PPIL6: variants seen among roughly 807,000 people sequenced by gnomAD.
PPIL6 encodes the protein peptidylprolyl isomerase like 6, also known as probable inactive peptidyl-prolyl cis-trans isomerase-like 6.
In PPIL6, 39 loss-of-function variants were observed where a neutral mutation model predicts 36.8. The observed-to-expected ratio is 1.06, with a 90% CI of 0.82 to 1.38. The LOEUF (loss-of-function observed/expected upper bound fraction) is 1.38. PPIL6 is among the 40% of genes most tolerant of loss of function. The pLI is 0.00. For missense variants in PPIL6, 368 were observed against 379.1 expected, an observed-to-expected ratio of 0.97 and a Z score of 0.24; for synonymous variants, 123 against 134.1, an observed-to-expected ratio of 0.92 and a Z score of 0.57.
At chr6:109,422,907 T>C (rs1407525568) in intron 5 of PPIL6, among the ~76,000 whole-genome samples, 1 of 152,202 alleles carries the variant, frequency 6.6e-6, no homozygotes, top group East Asian at 1.9e-4. Flanking sequence ...GGCTCATTCT[T>C]CTGTTTTTAT....
At chr6:109,418,833 T>C (rs2115243430) in intron 6 of PPIL6, among the ~76,000 whole-genome samples, 1 of 152,254 alleles carries the variant, frequency 6.6e-6, no homozygotes, top group Middle Eastern at 3.4e-3. Context: ...TGAGCCACCA[T>C]ACCTGGCCAC....
chr6:109,433,115 G>A (rs2115283639), intron 2 of PPIL6, among the ~76,000 whole-genome samples: 1 of 150,716 alleles, frequency 6.6e-6, no homozygotes, highest in East Asian at 2.0e-4. Flanking sequence ...GGAGTGCAAT[G>A]GTGTGATCTC....
intron 6 of PPIL6, among the ~76,000 whole-genome samples, chr6:109,403,749 T>C (rs1055409243): frequency 6.6e-6 from 1 of 152,224 alleles, no homozygotes; most frequent in East Asian, 1.9e-4. Context: ...TCTAATTAAA[T>C]GATACATTAC....
At position 109,420,943 on chromosome 6, in the gene PPIL6, T is replaced by C. The variant is rs1019447639; in HGVS notation, c.632-1700A>G. Among the ~76,000 whole-genome samples, 5 of 152,222 alleles carry C rather than the reference T, an allele frequency of 3.3e-5. No homozygotes were observed. In the East Asian group the frequency reaches 9.6e-4, roughly 29 times the overall value. On this transcript the variant is annotated intron_variant, in intron 5 of 7. Coordinates refer to ENST00000521072, the MANE Select transcript of PPIL6 (RefSeq NM_173672.5). ...ACCTGACTCACCTAAAACTCAGCCATGGTTCACTACCCAGCCCCAGGCAGC... is the reference window on the plus strand; with the variant it reads ...ACCTGACTCACCTAAAACTCAGCCACGGTTCACTACCCAGCCCCAGGCAGC...
In PPIL6 at chr6:109,438,339, G is replaced by C. The variant is rs533189764; in HGVS notation, c.135+2117C>G. On this transcript the variant is annotated intron_variant, in intron 1 of 7. Transcript: ENST00000521072. The stretch of plus-strand genomic sequence containing the variant: ...CCCATGCCTATAATCCCAGCACTTC[G>C]GGAGGTCGAGGAGGATTGCTTGAGC... 3.3e-5 allele frequency among the ~76,000 whole-genome samples: 5 copies of C among 151,878 alleles called. No homozygotes were observed. In the South Asian group the frequency reaches 1.0e-3, roughly 32 times the overall value.
intron 2 of PPIL6, among the ~76,000 whole-genome samples, chr6:109,433,746 G>A (rs1264915426): frequency 6.6e-6 from 1 of 152,146 alleles, no homozygotes; most frequent in African/African-American, 2.4e-5. Context: ...TTACATTGAT[G>A]AAGGACAAGG....
intron 2 of PPIL6, among the ~76,000 whole-genome samples, chr6:109,434,819 C>T (rs750556312): frequency 6.6e-6 from 1 of 152,156 alleles, no homozygotes; most frequent in Non-Finnish European, 1.5e-5. Context: ...CCCTCCCCAA[C>T]ACAGGATATT....
intron 6 of PPIL6, among the ~76,000 whole-genome samples, chr6:109,408,377 G>T (rs1005689345): frequency 3.3e-5 from 5 of 152,168 alleles, no homozygotes; most frequent in Non-Finnish European, 5.9e-5. Context: ...GGTGTTGGTT[G>T]TTCTGCTTCA....
chr6:109,429,194 C>T (rs1437069072), intron 3 of PPIL6, among the ~76,000 whole-genome samples: 1 of 152,174 alleles, frequency 6.6e-6, no homozygotes, highest in Non-Finnish European at 1.5e-5. Flanking sequence ...ATCCTCACTG[C>T]CACGAATTAT....
intron 5 of PPIL6, among the ~76,000 whole-genome samples, chr6:109,424,395 G>A (rs1023655458): frequency 1.3e-5 from 2 of 152,098 alleles, no homozygotes; most frequent in African/African-American, 4.8e-5. Context: ...GAGGAGGAGG[G>A]GCAGGCAGTG....
At chr6:109,407,929 G>A (rs1001849995) in intron 6 of PPIL6, among the ~76,000 whole-genome samples, 4 of 152,138 alleles carry the variant, frequency 2.6e-5, no homozygotes, top group African/African-American at 9.7e-5. Flanking sequence ...AAGTAGGTGG[G>A]ACTAAAGGTG....
In PPIL6 at chr6:109,413,861, A is replaced by C. The variant is rs1773124118; in HGVS notation, c.688+5326T>G. Among the ~76,000 whole-genome samples, 1 of 152,260 alleles carries C rather than the reference A, an allele frequency of 6.6e-6. No homozygotes were observed. The highest frequency in any genetic ancestry group is 6.5e-5 in the Admixed American group (1 of 15,286). Reference sequence around the variant, plus strand: ...TTATGCTAAGTGAAATAAGCCAGGCACAGAAAGACAAACATAACATGTTCT... The same window carrying C: ...TTATGCTAAGTGAAATAAGCCAGGCCCAGAAAGACAAACATAACATGTTCT... On this transcript the variant is annotated intron_variant, in intron 6 of 7. Coordinates refer to ENST00000521072, the MANE Select transcript of PPIL6 (RefSeq NM_173672.5). The surrounding 1 kb of genome is among the most constrained non-coding windows in gnomAD (Gnocchi z 4.6).
chr6:109,395,887 G>C (rs1772284845), intron 7 of PPIL6, among the ~76,000 whole-genome samples: 1 of 141,954 alleles, frequency 7.0e-6, no homozygotes, highest in Admixed American at 7.4e-5. Context: ...CAAGTCTGTA[G>C]TGCAGTGGTG....
At chr6:109,431,674 T>C (rs1774166107) in intron 2 of PPIL6, among the ~76,000 whole-genome samples, 1 of 152,226 alleles carries the variant, frequency 6.6e-6, no homozygotes, top group Non-Finnish European at 1.5e-5. Context: ...ATAGCAGTTA[T>C]GTCTCACTCT....
intron 3 of PPIL6, among the ~76,000 whole-genome samples, chr6:109,429,510 C>A (rs576242108): frequency 3.3e-5 from 5 of 152,218 alleles, no homozygotes; most frequent in African/African-American, 1.2e-4. Flanking sequence ...AGGGTCCCAC[C>A]ACCTTCACTA....
chr6:109,440,748 GCCGCCGGCGCGC>G (rs1457385246), upstream of PPIL6: 11 of 365,986 alleles, frequency 3.0e-5, no homozygotes, highest in Non-Finnish European at 4.5e-5. Context: ...CTGTTGCTGG[GCCGCCGGCGCGC>G]GGGCGGCCGC....
intron 7 of PPIL6, among the ~76,000 whole-genome samples, chr6:109,399,019 A>T (rs1582524384): frequency 6.7e-6 from 1 of 149,792 alleles, no homozygotes; most frequent in Admixed American, 6.6e-5. Context: ...CATGGCTCCC[A>T]GGCTCAAGCA....
At chr6:109,427,873 T>G (rs1009387069) in intron 3 of PPIL6, among the ~76,000 whole-genome samples, 8 of 152,100 alleles carry the variant, frequency 5.3e-5, no homozygotes, top group African/African-American at 7.2e-5. Context: ...TTCCTATTTT[T>G]GGGAAGGATC....
chr6:109,431,334 A>G lies in PPIL6; in HGVS notation c.243T>C (p.Asn81=). The change falls in exon 3 of 8, where the codon AAT becomes AAC. Residue 81 remains asparagine, a synonymous_variant. Transcript: ENST00000521072. ...YLQEKKRELK[N]ETWEYSSSVI... is the part of the protein sequence containing the mutation. ...CAGAGGAAGAATATTCCCAGGTTTC[A>G]TTTTTGAGTTCCTGTAAGGGAAAAG... The G allele has an allele frequency of 6.7e-7, 1 of 1,485,526 alleles. No individual in the cohort carries two copies. Among genetic ancestry groups the G allele is most frequent in the Non-Finnish European group, 9.1e-7 (1 of 1,096,314 alleles). 92.0% of individuals were successfully genotyped at this position (1,485,526 alleles called of 1,614,324 possible).
Sources: allele counts gnomAD v4.1 joint callset (sites outside exome capture counted in the v4.1 genomes callset), GRCh38; gene constraint gnomAD v4.1.1; non-coding constraint Gnocchi (gnomAD v3.1); transcripts MANE v1.5; gene names NCBI Gene and HGNC (gene_info 2026-07-23, HGNC 2026-07-21).